Variants in FBXL7 observed in about 807,000 individuals in gnomAD.
FBXL7 encodes F-box and leucine rich repeat protein 7.
In FBXL7, 12 loss-of-function variants were observed where a neutral mutation model predicts 38.3. The observed-to-expected ratio is 0.31, with a 90% CI of 0.20 to 0.51. The LOEUF is 0.51. Among genes scored for constraint, FBXL7 ranks in the 20% least tolerant of loss-of-function variants. The pLI is 0.98. For missense variants in FBXL7, 567 were observed against 676.4 expected, an observed-to-expected ratio of 0.84 and a Z score of 1.79; for synonymous variants, 297 against 300.9, an observed-to-expected ratio of 0.99 and a Z score of 0.13.
At chr5:15,864,368 C>A (rs1739613648) in intron 2 of FBXL7, among the ~76,000 whole-genome samples, 1 of 151,012 alleles carries the variant, frequency 6.6e-6, no homozygotes, top group African/African-American at 2.4e-5. Context: ...AGTGCCTAAT[C>A]TTGTACTTGG....
intron 1 of FBXL7, among the ~76,000 whole-genome samples, chr5:15,514,492 A>C (rs1736882364): frequency 6.6e-6 from 1 of 152,220 alleles, no homozygotes; most frequent in Admixed American, 6.5e-5. Flanking sequence ...AATGGTGAAG[A>C]TGACCTCAGA....
At chr5:15,634,288 A>G (rs1741098932) in intron 2 of FBXL7, among the ~76,000 whole-genome samples, 1 of 149,872 alleles carries the variant, frequency 6.7e-6, no homozygotes, top group Non-Finnish European at 1.5e-5. Context: ...ATAACAAATC[A>G]ACCTAAAACT....
chr5:15,880,995 G>T (rs369229209), intron 2 of FBXL7, among the ~76,000 whole-genome samples: 5 of 151,798 alleles, frequency 3.3e-5, no homozygotes, highest in African/African-American at 1.2e-4. Flanking sequence ...ACTTTCCCAA[G>T]CTATCTGATT....
At chr5:15,762,811 T>G (rs1736485685) in intron 2 of FBXL7, among the ~76,000 whole-genome samples, 1 of 152,230 alleles carries the variant, frequency 6.6e-6, no homozygotes, top group Admixed American at 6.5e-5. Context: ...ATATCTGAAA[T>G]GCATTACGTA....
chr5:15,581,344 C>T (rs1739133152), intron 1 of FBXL7, among the ~76,000 whole-genome samples: 1 of 152,106 alleles, frequency 6.6e-6, no homozygotes, highest in Non-Finnish European at 1.5e-5. Context: ...CTGGCTGATG[C>T]CCACCGCCCA....
intron 1 of FBXL7, among the ~76,000 whole-genome samples, chr5:15,568,037 A>T (rs2126446988): frequency 6.6e-6 from 1 of 152,272 alleles, no homozygotes; most frequent in South Asian, 2.1e-4. Context: ...TGCTATTGTG[A>T]ATAGTGCCAC....
intron 2 of FBXL7, among the ~76,000 whole-genome samples, chr5:15,617,164 A>G (rs190696960): frequency 6.6e-6 from 1 of 152,312 alleles, no homozygotes; most frequent in African/African-American, 2.4e-5. Flanking sequence ...GTGTGCTTCA[A>G]GTAGCAAAGA....
At chr5:15,557,843 C>A (rs1399919885) in intron 1 of FBXL7, among the ~76,000 whole-genome samples, 1 of 152,168 alleles carries the variant, frequency 6.6e-6, no homozygotes, top group Non-Finnish European at 1.5e-5. Context: ...CTCTGACCAC[C>A]TGGTGAAAAG....
At chr5:15,715,178 A>C (rs1214620230) in intron 2 of FBXL7, among the ~76,000 whole-genome samples, 1 of 152,092 alleles carries the variant, frequency 6.6e-6, no homozygotes, top group African/African-American at 2.4e-5. Flanking sequence ...CAGGAAGAGG[A>C]ATTAAGGCTG....
At chr5:15,512,874 T>G (rs533115244) in intron 1 of FBXL7, among the ~76,000 whole-genome samples, 1 of 152,334 alleles carries the variant, frequency 6.6e-6, no homozygotes, top group East Asian at 1.9e-4. Flanking sequence ...TATGGAAACT[T>G]CAGTCAATCA....
At position 15,936,856 on chromosome 5, in the gene FBXL7, C is replaced by CGCGAGGGGCT; in HGVS notation, c.1154_1163dup (p.Ile389LeufsTer70). On this transcript the variant is annotated frameshift_variant, in exon 4 of 4. Coordinates refer to ENST00000504595, the MANE Select transcript of FBXL7 (RefSeq NM_012304.5). LOFTEE classifies it high-confidence loss of function. The surrounding 1 kb of genome is among the most constrained non-coding windows in gnomAD (Gnocchi z 6.0). ...ACTGCAGCAAGCTGCGCTACCTCAA[C>CGCGAGGGGCT]GCGAGGGGCTGCGAGGGCATCACGG... The CGCGAGGGGCT allele has an allele frequency of 6.2e-7, 1 of 1,613,854 alleles. No individual in the cohort carries two copies. The highest frequency in any genetic ancestry group is 8.5e-7 in the Non-Finnish European group (1 of 1,179,816).
chr5:15,913,644 T>C, intron 2 of FBXL7, among the ~76,000 whole-genome samples: 1 of 152,342 alleles, frequency 6.6e-6, no homozygotes, highest in South Asian at 2.1e-4. Context: ...TTGTAACTAT[T>C]CATGGGGAAA....
chr5:15,679,931 G>C (rs555600402), intron 2 of FBXL7, among the ~76,000 whole-genome samples: 13 of 152,304 alleles, frequency 8.5e-5, no homozygotes, highest in African/African-American at 3.1e-4. Context: ...GGCAAAGGAG[G>C]TAGGTTTATT....
At chr5:15,547,761 G>C (rs2126417307) in intron 1 of FBXL7, among the ~76,000 whole-genome samples, 1 of 152,264 alleles carries the variant, frequency 6.6e-6, no homozygotes, top group Non-Finnish European at 1.5e-5. Flanking sequence ...GGGATATTCT[G>C]GCCAGTCCCT....
intron 2 of FBXL7, among the ~76,000 whole-genome samples, chr5:15,670,520 G>A (rs896467992): frequency 6.6e-6 from 1 of 152,120 alleles, no homozygotes; most frequent in African/African-American, 2.4e-5. Flanking sequence ...AGTGGAATAG[G>A]CCAGGCGTGG....
At chr5:15,622,075 G>GAGGT (rs1740667188) in intron 2 of FBXL7, among the ~76,000 whole-genome samples, 2 of 151,998 alleles carry the variant, frequency 1.3e-5, no homozygotes, top group Non-Finnish European at 2.9e-5. Flanking sequence ...TATAAAACAT[G>GAGGT]ATAAAATGTA....
At chr5:15,623,951 C>T (rs752667243) in intron 2 of FBXL7, among the ~76,000 whole-genome samples, 7 of 152,122 alleles carry the variant, frequency 4.6e-5, no homozygotes, top group East Asian at 1.9e-4. Flanking sequence ...CTCAAGACTA[C>T]GAGCCTTGAC....
At chr5:15,813,934 C>T (rs1737938022) in intron 2 of FBXL7, among the ~76,000 whole-genome samples, 1 of 152,012 alleles carries the variant, frequency 6.6e-6, no homozygotes, top group African/African-American at 2.4e-5. Context: ...ACAACAGATA[C>T]TGGAGAGGAT....
chr5:15,863,988 T>C (rs141794812), intron 2 of FBXL7, among the ~76,000 whole-genome samples: 2 of 151,692 alleles, frequency 1.3e-5, no homozygotes, highest in African/African-American at 4.8e-5. Context: ...GAGTTACGGA[T>C]GGGTATTGAG....
Sources: gnomAD v4.1 joint callset for allele counts (sites outside exome capture counted in the v4.1 genomes callset) on GRCh38, gnomAD v4.1.1 for gene constraint, Gnocchi (gnomAD v3.1) non-coding constraint, MANE v1.5 for transcripts, NCBI Gene and HGNC (gene_info 2026-07-23, HGNC 2026-07-21) for gene names.